The following PREX2 variants were observed in gnomAD, a reference collection of about 807,000 sequenced individuals.
The protein encoded by PREX2 is phosphatidylinositol-3,4,5-trisphosphate dependent Rac exchange factor 2, also known as phosphatidylinositol 3,4,5-trisphosphate-dependent Rac exchanger 2 protein.
PREX2 carries 107 observed loss-of-function variants against 203.2 expected under a neutral mutation model. The observed-to-expected ratio is 0.53, with a 90% CI of 0.45 to 0.62. The LOEUF (loss-of-function observed/expected upper bound fraction) is 0.62, where lower values mean the gene tolerates loss of function less well. Among genes scored for constraint, PREX2 ranks in the 20% least tolerant of loss-of-function variants. PREX2 has a pLI of 0.00. For synonymous variants in PREX2, 672 were observed against 663.6 expected, an observed-to-expected ratio of 1.01 and a Z score of -0.19; for missense variants, 1,777 against 1,955.9, an observed-to-expected ratio of 0.91 and a Z score of 1.72.
intron 6 of PREX2, 98 bp downstream of exon 6, chr8:68,030,756 T>C (rs1807860116): frequency 5.3e-6 from 6 of 1,134,308 alleles, no homozygotes; most frequent in Non-Finnish European, 7.8e-6. Flanking sequence ...AATGGTCATT[T>C]TCTCAGATAT....
chr8:68,086,576 A>G (rs373849402), intron 18 of PREX2, among the ~76,000 whole-genome samples: 97 of 152,184 alleles, frequency 6.4e-4, no homozygotes, highest in African/African-American at 2.3e-3. Context: ...CTGCGATATC[A>G]TACTTGTATT....
intron 1 of PREX2, among the ~76,000 whole-genome samples, chr8:67,989,441 A>G (rs1208973900): frequency 6.6e-6 from 1 of 152,236 alleles, no homozygotes; most frequent in African/African-American, 2.4e-5. Flanking sequence ...AATACCATTT[A>G]TCTTCTCAAC....
intron 1 of PREX2, among the ~76,000 whole-genome samples, chr8:67,968,026 AAC>A (rs1805823314): frequency 1.3e-5 from 2 of 151,940 alleles, no homozygotes; most frequent in African/African-American, 4.8e-5. Context: ...ATGCATATGT[AAC>A]AAACCTGCAT....
At chr8:68,016,869 C>T (rs553090315) in intron 1 of PREX2, among the ~76,000 whole-genome samples, 5 of 152,286 alleles carry the variant, frequency 3.3e-5, no homozygotes, top group South Asian at 2.1e-4. Flanking sequence ...CTGCCTGGGA[C>T]TCCCAAAGCG....
At chr8:68,186,016 CT>C (rs944104925) in intron 35 of PREX2, among the ~76,000 whole-genome samples, 1 of 125,450 alleles carries the variant, frequency 8.0e-6, no homozygotes, top group African/African-American at 3.2e-5. Context: ...CATTGCAAGA[CT>C]TTTTTAATTA....
intron 11 of PREX2, among the ~76,000 whole-genome samples, chr8:68,064,399 G>A (rs1808954351): frequency 6.6e-6 from 1 of 152,042 alleles, no homozygotes; most frequent in African/African-American, 2.4e-5. Flanking sequence ...GTCTTGCTCT[G>A]TTGCCCGGGC....
At chr8:68,148,764 T>C (rs1285297595) in intron 34 of PREX2, among the ~76,000 whole-genome samples, 2 of 152,224 alleles carry the variant, frequency 1.3e-5, no homozygotes, top group Non-Finnish European at 2.9e-5. Flanking sequence ...ACAGTTGAGG[T>C]CACAGATAGG....
At chr8:68,007,251 A>G (rs1413246791) in intron 1 of PREX2, among the ~76,000 whole-genome samples, 3 of 152,176 alleles carry the variant, frequency 2.0e-5, no homozygotes, top group Admixed American at 6.5e-5. Context: ...AGTTGAGCTT[A>G]TTTAGTTTTT....
At chr8:67,956,593 T>C (rs1442541584) in intron 1 of PREX2, among the ~76,000 whole-genome samples, 8 of 152,234 alleles carry the variant, frequency 5.3e-5, no homozygotes, top group African/African-American at 1.9e-4. Flanking sequence ...CTCACATTTT[T>C]ATTTTGCACT....
chr8:68,209,240 T>A (rs1812701314), intron 37 of PREX2, among the ~76,000 whole-genome samples: 2 of 152,240 alleles, frequency 1.3e-5, no homozygotes, highest in Non-Finnish European at 1.5e-5. Flanking sequence ...TTTCTAAAAT[T>A]TGAATGCTGC....
At chr8:68,058,786 A>G (rs1286246067) in intron 10 of PREX2, among the ~76,000 whole-genome samples, 1 of 152,216 alleles carries the variant, frequency 6.6e-6, no homozygotes, top group African/African-American at 2.4e-5. Flanking sequence ...TGGAGTTTAA[A>G]GAGCTAAATT....
At chr8:68,193,021 G>A (rs1188574243) in intron 37 of PREX2, among the ~76,000 whole-genome samples, 1 of 152,148 alleles carries the variant, frequency 6.6e-6, no homozygotes, top group Non-Finnish European at 1.5e-5. Flanking sequence ...TCCAGAAAAT[G>A]TAAGGGGAAA....
chr8:68,160,847 CT>C (rs1811639757), intron 35 of PREX2, among the ~76,000 whole-genome samples: 2 of 152,044 alleles, frequency 1.3e-5, no homozygotes, highest in South Asian at 2.1e-4. Flanking sequence ...GAATCTTTCT[CT>C]TTTTTGACAG....
At chr8:68,207,662 C>A (rs1417770135) in intron 37 of PREX2, among the ~76,000 whole-genome samples, 2 of 152,056 alleles carry the variant, frequency 1.3e-5, no homozygotes, top group Non-Finnish European at 2.9e-5. Flanking sequence ...TGAATTATTT[C>A]ATACAATCCT....
In PREX2 at chr8:68,017,849, T is replaced by A; in HGVS notation, c.145T>A (p.Phe49Ile). Reference sequence around the variant, plus strand: ...AATGTCTTCTTGTTTCATGCAGGCATTCTTACACAGAATGAACCAGTGTGC... The same window carrying A: ...AATGTCTTCTTGTTTCATGCAGGCAATCTTACACAGAATGAACCAGTGTGC... ...VGTLEFLVSAFLHRMNQCAAS... is the reference protein window; with the variant it reads ...VGTLEFLVSAILHRMNQCAAS... The change falls in exon 2 of 40, where the codon TTC becomes ATC. Residue 49 changes from phenylalanine (F) to isoleucine (I), a missense_variant. Transcript: ENST00000288368. 3 of 1,612,094 alleles carry A rather than the reference T, an allele frequency of 1.9e-6. No homozygotes were observed. Among genetic ancestry groups the A allele is most frequent in the Non-Finnish European group, 2.5e-6 (3 of 1,178,700 alleles).
intron 7 of PREX2, among the ~76,000 whole-genome samples, chr8:68,042,427 C>A (rs1318180357): frequency 3.3e-5 from 5 of 151,932 alleles, no homozygotes; most frequent in Admixed American, 2.6e-4. Context: ...TAGTTTCTTG[C>A]AATTTATAAT....
At chr8:68,008,874 G>A (rs1199217464) in intron 1 of PREX2, among the ~76,000 whole-genome samples, 1 of 152,166 alleles carries the variant, frequency 6.6e-6, no homozygotes, top group East Asian at 1.9e-4. Context: ...CCCCAGCTGT[G>A]TGGAACTGTG....
intron 1 of PREX2, among the ~76,000 whole-genome samples, chr8:68,016,704 AC>A (rs1036481141): frequency 1.3e-5 from 2 of 152,072 alleles, no homozygotes; most frequent in African/African-American, 4.8e-5. Flanking sequence ...GCAGCCTCAA[AC>A]TTCTGGGCTC....
intron 20 of PREX2, 60 bp from the exon 21 acceptor site, chr8:68,093,545 T>C (rs1225272003): frequency 4.2e-6 from 3 of 710,162 alleles, no homozygotes; most frequent in Non-Finnish European, 7.2e-6. Flanking sequence ...AGTCTCCAAA[T>C]GGGCATGTAT....
Sources: allele counts gnomAD v4.1 joint callset (sites outside exome capture counted in the v4.1 genomes callset), GRCh38; gene constraint gnomAD v4.1.1; transcripts MANE v1.5; gene names NCBI Gene and HGNC (gene_info 2026-07-23, HGNC 2026-07-21).